The following TCHH variants were observed in gnomAD, a reference collection of about 807,000 sequenced individuals.
TCHH encodes trichohyalin.
Under a neutral mutation model 6.3 loss-of-function variants are expected in TCHH, and 6 were observed. The ratio of observed to expected loss-of-function variants is 0.95; its 90% CI spans 0.52 to 1.88. TCHH has a LOEUF of 1.88. Among genes scored for constraint, TCHH ranks in the 40% most tolerant of loss-of-function variants. The pLI, the probability that TCHH is intolerant of heterozygous loss-of-function variation, is 0.01. For synonymous variants in TCHH, 1,087 were observed against 963.6 expected (o/e 1.13, Z -2.37); for missense variants, 2,920 against 2,449.1 (o/e 1.19, Z -4.06).
At position 152,112,482 on chromosome 1, in the gene TCHH, C is replaced by T. The variant is rs774438393; in HGVS notation, c.735G>A (p.Glu245=). The T allele has an allele frequency of 1.2e-6, 2 of 1,613,372 alleles. No homozygotes were observed. Among genetic ancestry groups the T allele is most frequent in the South Asian group, 2.2e-5 (2 of 91,066 alleles). ...DRVFQEEEEK[E]WRKRETVLRK... ...GGAGCACTGTCTCGCGCTTCCTCCA[C>T]TCTTTCTCTTCTTCCTCCTGGAACA... Residue 245 remains glutamate (E), a synonymous_variant, in exon 3 of 3, where the codon GAG becomes GAA. Transcript: ENST00000614923.
At position 152,109,536 on chromosome 1, in the gene TCHH, C is replaced by G. The variant is rs1333972402; in HGVS notation, c.3681G>C (p.Trp1227Cys). The G allele has an allele frequency of 6.2e-7, 1 of 1,614,262 alleles. No homozygotes were observed. The highest frequency in any genetic ancestry group is 8.5e-7 in the Non-Finnish European group (1 of 1,180,054). ...GAACTGCATTTTCTTTTTCTGGTTC[C>G]CACTGCCATTTCAGATCACTGCGCT... ...EDQRSDLKWQ[W>C]EPEKENAVRD... Residue 1227 changes from tryptophan (W) to cysteine (C), a missense_variant, in exon 3 of 3, where the codon TGG (tryptophan) becomes TGC (cysteine). Transcript: ENST00000614923.
intron 1 of TCHH, 39 bp from the exon 2 acceptor site, chr1:152,114,150 T>C: frequency 6.8e-7 from 1 of 1,469,308 alleles, no homozygotes; most frequent in Non-Finnish European, 9.1e-7. Flanking sequence ...AAAATCCCGT[T>C]TCTGCTTTTG....
At position 152,109,004 on chromosome 1, in the gene TCHH, C is replaced by G; in HGVS notation, c.4213G>C (p.Glu1405Gln). ...EEQQLRCQER[E>Q]QQLRQDRDRK... ...TCGCGGTCCTGACGCAGCTGTTGCT[C>G]GCGCTCCTGGCAGCGCAGCTGCTGT... The change falls in exon 3 of 3, where the codon GAG (glutamate) becomes CAG (glutamine). Residue 1405 changes from glutamate to glutamine, a missense_variant. Coordinates refer to ENST00000614923, the MANE Select transcript of TCHH (RefSeq NM_007113.4). 1 of 1,610,846 alleles carries G rather than the reference C, an allele frequency of 6.2e-7. No individual in the cohort carries two copies. The highest frequency in any genetic ancestry group is 8.5e-7 in the Non-Finnish European group (1 of 1,179,222).
Position 152,107,803 on chromosome 1 carries a change from T to C in TCHH, c.5414A>G (p.Gln1805Arg), listed in dbSNP as rs1385207490. Residue 1805 changes from glutamine to arginine, a missense_variant, in exon 3 of 3, where the codon CAG becomes CGG. Transcript: ENST00000614923. ...RKFREEEQLR[Q>R]EREEQQLRPQ... Reference sequence around the variant, plus strand: ...GCGCAGCTGCTGTTCTTCCCTCTCCTGGCGTAGCTGTTCCTCCTCGCGGAA... The same window carrying C: ...GCGCAGCTGCTGTTCTTCCCTCTCCCGGCGTAGCTGTTCCTCCTCGCGGAA... The C allele has an allele frequency of 8.1e-6, 13 of 1,613,358 alleles. No individual in the cohort carries two copies. Among genetic ancestry groups the C allele is most frequent in the African/African-American group, 1.3e-5 (1 of 74,688 alleles).
chr1:152,111,088 C>G lies in TCHH; in HGVS notation c.2129G>C (p.Ser710Thr). Reference protein sequence around the residue: ...RIPKWQWQLESEADARQSKVY... With the variant: ...RIPKWQWQLETEADARQSKVY... ...TTTGCTTTGCCGTGCGTCGGCCTCG[C>G]TTTCTAGCTGCCACTGCCACTTCGG... Residue 710 changes from serine (S) to threonine (T), a missense_variant, in exon 3 of 3, where the codon AGC becomes ACC. Transcript: ENST00000614923. 6.2e-7 allele frequency: 1 copy of G among 1,613,640 alleles called. No homozygotes were observed. The highest frequency in any genetic ancestry group is 8.5e-7 in the Non-Finnish European group (1 of 1,180,032).
chr1:152,109,221 T>C lies in TCHH; in HGVS notation c.3996A>G (p.Gln1332=). The change falls in exon 3 of 3, where the codon CAA becomes CAG. Residue 1332 remains glutamine (Q), a synonymous_variant. Coordinates refer to ENST00000614923, the MANE Select transcript of TCHH (RefSeq NM_007113.4). ...CCTCGCGGAATTTTCTGTCTGTCTC[T>C]TGACGGCGTCTCTTCTCTTCTCTTT... ...REEREEKRRR[Q]ETDRKFREEE... The C allele has an allele frequency of 6.2e-7, 1 of 1,614,248 alleles. No individual in the cohort carries two copies. Among genetic ancestry groups the C allele is most frequent in the Non-Finnish European group, 8.5e-7 (1 of 1,180,024 alleles).
In TCHH at chr1:152,111,351, G is replaced by A. The variant is rs750577270; in HGVS notation, c.1866C>T (p.Arg622=). 6.3e-7 allele frequency: 1 copy of A among 1,588,258 alleles called. No individual in the cohort carries two copies. The highest frequency in any genetic ancestry group is 1.1e-5 in the South Asian group (1 of 90,066). ...GGCGCCTCTCTTCCTCCGGCTCCTC[G>A]CGCTTCAGCCGCTGCTCGCGCCTCT... ...QEERREQRLK[R]EEPEEERRQQ... The change falls in exon 3 of 3, where the codon CGC becomes CGT. Residue 622 remains arginine (R), a synonymous_variant. Transcript: ENST00000614923.
rs558361315 is a variant in TCHH at position 152,110,484 on chromosome 1, C to T, written c.2733G>A (p.Glu911=). 2 of 1,613,982 alleles carry T rather than the reference C, an allele frequency of 1.2e-6. No homozygotes were observed. The highest frequency in any genetic ancestry group is 4.5e-5 in the East Asian group (2 of 44,878). ...TCTCGCGCTCCTCTCTCTGTAGCTC[C>T]TCCTCCTCCTCCTGCAGCAGCTGCT... is the stretch of plus-strand genomic sequence containing the variant. The part of the protein sequence containing the change: ...KEQQLLQEEE[E]ELQREEREKR... Residue 911 remains glutamate, a synonymous_variant, in exon 3 of 3, where the codon GAG becomes GAA. Transcript: ENST00000614923.
At position 152,112,555 on chromosome 1, in the gene TCHH, TTCC is replaced by T. The variant is rs773749331; in HGVS notation, c.659_661del (p.Arg220del). 4.2e-5 allele frequency: 67 copies of T among 1,613,446 alleles called. 1 individual carries two copies. In the South Asian group the frequency reaches 7.0e-4, roughly 17 times the overall value. On this transcript the variant is annotated inframe_deletion, in exon 3 of 3. Coordinates refer to ENST00000614923, the MANE Select transcript of TCHH (RefSeq NM_007113.4). ...TTGCTGCTGTTTCTCCTCGCGGCCC[TTCC>T]TCCTCAGCTCCAGCAGCTCCCGCCT...
rs1031350517 is a variant in TCHH, at chr1:152,108,282, G to A, written c.4935C>T (p.Phe1645=). 1.9e-6 allele frequency: 3 copies of A among 1,613,256 alleles called. No individual in the cohort carries two copies. The highest frequency in any genetic ancestry group is 3.3e-5 in the Admixed American group (2 of 59,926). ...GGCGCAGCTGCGGTTCCTCCTCGAG[G>A]AATTTTCTGTCACGCTCTTGGCGGT... ...QLHRQERDRK[F]LEEEPQLRRQ... Residue 1645 remains phenylalanine (F), a synonymous_variant, in exon 3 of 3, where the codon TTC becomes TTT. Coordinates refer to ENST00000614923, the MANE Select transcript of TCHH (RefSeq NM_007113.4).
At chr1:152,113,893 A>G (rs1266221188) in intron 2 of TCHH, 50 bp downstream of exon 2, 1 of 1,592,816 alleles carries the variant, frequency 6.3e-7, no homozygotes, top group Admixed American at 1.8e-5. Flanking sequence ...CTCTGAGAAT[A>G]AATCTCATAG....
Position 152,110,177 on chromosome 1 carries a change from G to C in TCHH, c.3040C>G (p.Gln1014Glu). Residue 1014 changes from glutamine to glutamate, a missense_variant, in exon 3 of 3, where the codon CAG (glutamine) becomes GAG (glutamate). Coordinates refer to ENST00000614923, the MANE Select transcript of TCHH (RefSeq NM_007113.4). ...LREEREKRRRQEWERQYRKKD... is the reference protein window; with the variant it reads ...LREEREKRRREEWERQYRKKD... ...TTGCGGTACTGCCTCTCCCACTCCTGGCGCCTTCTCTTCTCCCGTTCCTCT... is the reference window on the plus strand; with the variant it reads ...TTGCGGTACTGCCTCTCCCACTCCTCGCGCCTTCTCTTCTCCCGTTCCTCT... 3 of 1,606,836 alleles carry C rather than the reference G, an allele frequency of 1.9e-6. No homozygotes were observed. The highest frequency in any genetic ancestry group is 2.5e-6 in the Non-Finnish European group (3 of 1,177,648).
rs754963208 is a variant in TCHH at position 152,107,796 on chromosome 1, C to T, written c.5421G>A (p.Arg1807=). The change falls in exon 3 of 3, where the codon AGG becomes AGA. Residue 1807 remains arginine (R), a synonymous_variant. Coordinates refer to ENST00000614923, the MANE Select transcript of TCHH (RefSeq NM_007113.4). ...GTTGGGGGCGCAGCTGCTGTTCTTC[C>T]CTCTCCTGGCGTAGCTGTTCCTCCT... ...FREEEQLRQE[R]EEQQLRPQQR... is the part of the protein sequence containing the mutation. 1 of 1,614,140 alleles carries T rather than the reference C, an allele frequency of 6.2e-7. No individual in the cohort carries two copies. Among genetic ancestry groups the T allele is most frequent in the Non-Finnish European group, 8.5e-7 (1 of 1,179,988 alleles).
chr1:152,114,305 G>A (rs1658459676), intron 1 of TCHH, among the ~76,000 whole-genome samples, 194 bp from the exon 2 acceptor site: 1 of 152,188 alleles, frequency 6.6e-6, no homozygotes, highest in Non-Finnish European at 1.5e-5. Flanking sequence ...TTCCAAGCCA[G>A]GGAATCATCT....
chr1:152,109,145 G>A lies in TCHH; in HGVS notation c.4072C>T (p.Arg1358Cys), dbSNP rs753089270. ...TCCTCTTCGCGGAATTTTCTGTCAC[G>A]CTCTTGGCGGCGCAGCGGCTGTTCC... ...REEQPLRRQE[R>C]DRKFREEELR... Residue 1358 changes from arginine to cysteine, a missense_variant, in exon 3 of 3, where the codon CGT becomes TGT. Coordinates refer to ENST00000614923, the MANE Select transcript of TCHH (RefSeq NM_007113.4). 1.9e-5 allele frequency: 30 copies of A among 1,613,736 alleles called. No individual in the cohort carries two copies. Among genetic ancestry groups the A allele is most frequent in the Non-Finnish European group, 2.5e-5 (30 of 1,179,780 alleles).
rs778112850 is a variant in TCHH, at chr1:152,109,014, G to A, written c.4203C>T (p.Cys1401=). 8.1e-6 allele frequency: 13 copies of A among 1,609,926 alleles called. No individual in the cohort carries two copies. In the East Asian group the frequency reaches 2.2e-4, roughly 28 times the overall value. ...KFLKEEQQLR[C]QEREQQLRQD... is the part of the protein sequence containing the mutation. The stretch of plus-strand genomic sequence containing the variant: ...GACGCAGCTGTTGCTCGCGCTCCTG[G>A]CAGCGCAGCTGCTGTTCCTCCTTAA... The change falls in exon 3 of 3, where the codon TGC becomes TGT. Residue 1401 remains cysteine (C), a synonymous_variant. Transcript: ENST00000614923.
intron 1 of TCHH, among the ~76,000 whole-genome samples, chr1:152,114,863 T>C (rs1658472923): frequency 6.6e-6 from 1 of 152,250 alleles, no homozygotes; most frequent in African/African-American, 2.4e-5. Flanking sequence ...CTGTGAATGA[T>C]ATTGGTTTTG....
At chr1:152,114,166 G>A in intron 1 of TCHH, 55 bp from the exon 2 acceptor site, 1 of 1,325,634 alleles carries the variant, frequency 7.5e-7, no homozygotes, top group Non-Finnish European at 1.0e-6. Context: ...TTTTGGGAAG[G>A]CTTCATTCAC....
Position 152,109,633 on chromosome 1 carries a change from C to G in TCHH, c.3584G>C (p.Arg1195Pro), listed in dbSNP as rs2496256. ...TTCCTCCTCCCGATACTGCCTCTCCCGCTCCTGGCGCCTTTTCTCCTGTTC... is the reference window on the plus strand; with the variant it reads ...TTCCTCCTCCCGATACTGCCTCTCCGGCTCCTGGCGCCTTTTCTCCTGTTC... Reference protein sequence around the residue: ...REEQEKRRQERERQYREEEEL... With the variant: ...REEQEKRRQEPERQYREEEEL... The change falls in exon 3 of 3, where the codon CGG (arginine) becomes CCG (proline). Residue 1195 changes from arginine to proline, a missense_variant. Physicochemically the swap from Arg to Pro is moderately radical, Grantham distance 103 (BLOSUM62 -2). Coordinates refer to ENST00000614923, the MANE Select transcript of TCHH (RefSeq NM_007113.4). 218 of 1,613,514 alleles carry G rather than the reference C, an allele frequency of 1.4e-4. 1 individual carries two copies. The East Asian group carries it at 4.2e-3, about 31-fold the overall frequency.
Sources: allele counts gnomAD v4.1 joint callset (sites outside exome capture counted in the v4.1 genomes callset), GRCh38; gene constraint gnomAD v4.1.1; transcripts MANE v1.5; gene names NCBI Gene and HGNC (gene_info 2026-07-23, HGNC 2026-07-21).